The following PIP5K1B variants were observed in gnomAD, a reference collection of about 807,000 sequenced individuals.
PIP5K1B encodes phosphatidylinositol 4-phosphate 5-kinase type-1 beta.
A neutral mutation model predicts 67.0 loss-of-function variants in PIP5K1B; 42 were observed. That is an observed-to-expected ratio of 0.63 (90% CI 0.49 to 0.81). PIP5K1B has a LOEUF of 0.81. PIP5K1B is among the 30% of genes least tolerant of loss of function. The pLI is 0.00. For synonymous variants in PIP5K1B, 214 were observed against 231.4 expected (o/e 0.92, Z 0.68); for missense variants, 459 against 646.3 (o/e 0.71, Z 3.14).
intron 14 of PIP5K1B, among the ~76,000 whole-genome samples, chr9:68,945,591 G>A (rs1312723955): frequency 6.6e-6 from 1 of 152,194 alleles, no homozygotes; most frequent in Non-Finnish European, 1.5e-5. Flanking sequence ...GAATACAATA[G>A]CAGCTAATTA....
chr9:68,969,351 G>C (rs1321773437), intron 14 of PIP5K1B, among the ~76,000 whole-genome samples: 1 of 121,334 alleles, frequency 8.2e-6, no homozygotes, highest in African/African-American at 3.1e-5. Flanking sequence ...CTGGGCAACA[G>C]AGCGAGACTC....
At position 68,806,538 on chromosome 9, in the gene PIP5K1B, G is replaced by A. The variant is rs111914490; in HGVS notation, c.-85-11923G>A. On this transcript the variant is annotated intron_variant, in intron 2 of 15. Transcript: ENST00000265382. Reference sequence around the variant, plus strand: ...GCCTCCTATTCAGAAGCCTTCAGCAGATGTTCCTTAATTTGTCACATTCAT... The same window carrying A: ...GCCTCCTATTCAGAAGCCTTCAGCAAATGTTCCTTAATTTGTCACATTCAT... Among the ~76,000 whole-genome samples, 603 of 152,306 alleles carry A rather than the reference G, an allele frequency of 4.0e-3. 3 individuals are homozygous for A. Among genetic ancestry groups the A allele is most frequent in the African/African-American group, 0.013 (555 of 41,552 alleles).
chr9:68,767,922 A>G (rs1830510332), intron 2 of PIP5K1B, among the ~76,000 whole-genome samples: 1 of 152,140 alleles, frequency 6.6e-6, no homozygotes, highest in African/African-American at 2.4e-5. Flanking sequence ...GAATAAATAA[A>G]ATTATAAGTT....
chr9:68,786,305 A>G (rs969659821), intron 2 of PIP5K1B: 2 of 152,164 alleles, frequency 1.3e-5, no homozygotes, highest in African/African-American at 4.8e-5. Context: ...CACTATTTTT[A>G]GTGCTTTACA....
intron 2 of PIP5K1B, among the ~76,000 whole-genome samples, chr9:68,778,106 T>G (rs1831011780): frequency 6.6e-6 from 1 of 151,852 alleles, no homozygotes; most frequent in African/African-American, 2.4e-5. Flanking sequence ...TCATGCGAAA[T>G]TCTCTCTTTA....
intron 2 of PIP5K1B, among the ~76,000 whole-genome samples, chr9:68,757,844 C>T (rs992168734): frequency 1.3e-5 from 2 of 152,026 alleles, no homozygotes; most frequent in African/African-American, 4.8e-5. Flanking sequence ...ACAGTTTACT[C>T]TGACTCTGCC....
At chr9:68,805,507 G>C (rs1182000561) in intron 2 of PIP5K1B, among the ~76,000 whole-genome samples, 2 of 152,230 alleles carry the variant, frequency 1.3e-5, no homozygotes, top group Non-Finnish European at 2.9e-5. Context: ...CGACTGCCCT[G>C]TGAGAGAGGT....
At chr9:68,986,876 C>T (rs1053228970) in intron 14 of PIP5K1B, among the ~76,000 whole-genome samples, 2 of 152,118 alleles carry the variant, frequency 1.3e-5, no homozygotes, top group African/African-American at 4.8e-5. Context: ...GAGGAGAATG[C>T]TGGATCACAA....
chr9:68,875,727 TC>T (rs771431723), intron 5 of PIP5K1B, among the ~76,000 whole-genome samples: 2 of 152,222 alleles, frequency 1.3e-5, no homozygotes, highest in Admixed American at 6.5e-5. Flanking sequence ...AGAATGTAGA[TC>T]AAAGGGATTT....
In PIP5K1B at chr9:68,959,339, A is replaced by G. The variant is rs149835314; in HGVS notation, c.1502+18549A>G. Among the ~76,000 whole-genome samples the G allele has an allele frequency of 3.1e-3, 470 of 152,302 alleles. 1 individual carries two copies. Among genetic ancestry groups the G allele is most frequent in the African/African-American group, 0.011 (443 of 41,556 alleles). ...TACATTATACATATTTCTATGGAAC[A>G]AAATACTATATTCTCTTCATATTTC... On this transcript the variant is annotated intron_variant, in intron 14 of 15. Coordinates refer to ENST00000265382, the MANE Select transcript of PIP5K1B (RefSeq NM_003558.4).
intron 8 of PIP5K1B, among the ~76,000 whole-genome samples, chr9:68,908,472 AC>A (rs1825719575): frequency 6.6e-6 from 1 of 151,656 alleles, no homozygotes; most frequent in South Asian, 2.1e-4. Flanking sequence ...TTAATCCAGT[AC>A]AGCCCAAGTT....
chr9:68,809,509 G>A (rs949809428), intron 2 of PIP5K1B, among the ~76,000 whole-genome samples: 1 of 152,116 alleles, frequency 6.6e-6, no homozygotes, highest in Admixed American at 6.6e-5. Context: ...AGGGACTTAC[G>A]ATCATAGGTG....
chr9:68,926,078 A>C (rs1400515010), intron 12 of PIP5K1B, among the ~76,000 whole-genome samples: 2 of 151,956 alleles, frequency 1.3e-5, no homozygotes, highest in Non-Finnish European at 1.5e-5. Context: ...TACAGGCTTA[A>C]GCCACCGCGC....
intron 14 of PIP5K1B, among the ~76,000 whole-genome samples, chr9:68,954,790 A>G (rs1358153690): frequency 2.0e-5 from 3 of 152,186 alleles, no homozygotes; most frequent in Admixed American, 1.3e-4. Flanking sequence ...TCTCCTCTAC[A>G]TGTGGGAACA....
intron 13 of PIP5K1B, among the ~76,000 whole-genome samples, chr9:68,938,749 G>C (rs1827403474): frequency 6.6e-6 from 1 of 152,096 alleles, no homozygotes; most frequent in Non-Finnish European, 1.5e-5. Context: ...TGTAGCTGTT[G>C]GGTGGAGATC....
intron 1 of PIP5K1B, among the ~76,000 whole-genome samples, chr9:68,710,143 G>T (rs1219488209): frequency 6.6e-6 from 1 of 152,084 alleles, no homozygotes; most frequent in Non-Finnish European, 1.5e-5. Context: ...AGTAGATTCT[G>T]TAAAACATCA....
chr9:68,780,222 C>G, intron 2 of PIP5K1B: 1 of 1,540,270 alleles, frequency 6.5e-7, no homozygotes. Context: ...GGGCGGGAGC[C>G]CGGCGGAGGG....
intron 12 of PIP5K1B, among the ~76,000 whole-genome samples, chr9:68,929,657 T>TTTTTGG (rs1826895707): frequency 6.6e-6 from 1 of 150,664 alleles, no homozygotes; most frequent in Non-Finnish European, 1.5e-5. Flanking sequence ...CTTTCAGTTT[T>TTTTTGG]TTTTGTTTTT....
intron 2 of PIP5K1B, among the ~76,000 whole-genome samples, chr9:68,794,696 TAAA>T (rs34317692): frequency 1.2e-3 from 174 of 144,738 alleles, no homozygotes; most frequent in Non-Finnish European, 1.3e-3. Flanking sequence ...TGCTGTAAAT[TAAA>T]AAAAAAAAAA....
Sources: allele counts gnomAD v4.1 joint callset (sites outside exome capture counted in the v4.1 genomes callset), GRCh38; gene constraint gnomAD v4.1.1; transcripts MANE v1.5; gene names NCBI Gene and HGNC (gene_info 2026-07-23, HGNC 2026-07-21).